TMEM217B: variants seen among roughly 807,000 people sequenced by gnomAD.
The protein encoded by TMEM217B is transmembrane protein 217B, also known as putative transmembrane protein 217B.
the TMEM217B span, among the ~76,000 whole-genome samples, chr6:37,231,202 G>A: frequency 9.5e-4 from 143 of 149,974 alleles, no homozygotes; most frequent in African/African-American, 2.8e-3. Flanking sequence ...TGGGATTACA[G>A]GTGCAAGCCA....
At chr6:37,219,454 C>T in the TMEM217B span, among the ~76,000 whole-genome samples, 3 of 152,094 alleles carry the variant, frequency 2.0e-5, no homozygotes, top group Admixed American at 6.6e-5. Context: ...TTAAATTATG[C>T]TCTTAGCTGG....
chr6:37,217,219 G>A, the TMEM217B span, among the ~76,000 whole-genome samples: 59 of 152,334 alleles, frequency 3.9e-4, 1 homozygote, highest in Non-Finnish European at 7.6e-4. Context: ...GCTTAAACCC[G>A]GGAGGCGGGG....
At chr6:37,229,035 A>T in the TMEM217B span, among the ~76,000 whole-genome samples, 5 of 152,002 alleles carry the variant, frequency 3.3e-5, no homozygotes, top group African/African-American at 1.2e-4. Context: ...TAATAATAAT[A>T]ATAACGAACA....
the TMEM217B span, among the ~76,000 whole-genome samples, chr6:37,254,002 G>T: frequency 6.6e-6 from 1 of 152,126 alleles, no homozygotes; most frequent in Non-Finnish European, 1.5e-5. Flanking sequence ...AGTTGAGGGG[G>T]GGAAAGTAAA....
the TMEM217B span, among the ~76,000 whole-genome samples, chr6:37,246,487 T>A: frequency 6.6e-6 from 1 of 152,182 alleles, no homozygotes; most frequent in Non-Finnish European, 1.5e-5. Context: ...ATATACTCCA[T>A]CTACTCTCAT....
chr6:37,232,394 T>TG, the TMEM217B span, among the ~76,000 whole-genome samples: 413 of 152,126 alleles, frequency 2.7e-3, 2 homozygotes, highest in African/African-American at 9.2e-3. Flanking sequence ...TGTTTTGTTT[T>TG]CTTTTTTTTG....
chr6:37,245,057 C>T, the TMEM217B span, among the ~76,000 whole-genome samples: 1 of 152,150 alleles, frequency 6.6e-6, no homozygotes, highest in Non-Finnish European at 1.5e-5. Flanking sequence ...CTTTGCAAGC[C>T]ATGGCTTGGG....
At chr6:37,228,885 T>G in the TMEM217B span, among the ~76,000 whole-genome samples, 1 of 150,768 alleles carries the variant, frequency 6.6e-6, no homozygotes, top group Middle Eastern at 3.5e-3. Context: ...TAGTCCCAGC[T>G]ACTCAGGAGG....
At chr6:37,229,664 A>G in the TMEM217B span, among the ~76,000 whole-genome samples, 1 of 152,172 alleles carries the variant, frequency 6.6e-6, no homozygotes, top group African/African-American at 2.4e-5. Context: ...CAGTTTTACT[A>G]GTAACTTCGT....
At chr6:37,226,543 C>T in the TMEM217B span, among the ~76,000 whole-genome samples, 15 of 151,174 alleles carry the variant, frequency 9.9e-5, no homozygotes, top group East Asian at 1.4e-3. Context: ...GTGATCCGCC[C>T]GCCTCGGCCA....
the TMEM217B span, among the ~76,000 whole-genome samples, chr6:37,252,860 G>A: frequency 2.0e-5 from 3 of 151,442 alleles, no homozygotes; most frequent in African/African-American, 4.9e-5. Flanking sequence ...GGCTGGTCTC[G>A]AACTCCTGAG....
the TMEM217B span, among the ~76,000 whole-genome samples, chr6:37,252,259 A>AC: frequency 2.6e-5 from 4 of 152,200 alleles, no homozygotes; most frequent in Non-Finnish European, 5.9e-5. Context: ...CATGTAACAT[A>AC]AAGTTCAAAT....
the TMEM217B span, among the ~76,000 whole-genome samples, chr6:37,217,024 T>C: frequency 2.0e-5 from 3 of 152,134 alleles, no homozygotes; most frequent in Non-Finnish European, 4.4e-5. Context: ...CAGCAGTGGG[T>C]GACTCACACC....
the TMEM217B span, among the ~76,000 whole-genome samples, chr6:37,223,409 T>C: frequency 0.88 from 134,080 of 152,298 alleles, 59,261 homozygotes; most frequent in African/African-American, 0.96. Flanking sequence ...TAGACTTCTA[T>C]AGGAAACAAA....
chr6:37,231,131 C>T, the TMEM217B span, among the ~76,000 whole-genome samples: 9 of 151,806 alleles, frequency 5.9e-5, no homozygotes, highest in Admixed American at 3.3e-4. Flanking sequence ...ATGATCTCTG[C>T]TCACTGCAAC....
At chr6:37,212,994 C>T in the TMEM217B span, 1 of 1,534,534 alleles carries the variant, frequency 6.5e-7, no homozygotes, top group South Asian at 1.2e-5. Flanking sequence ...ACCAGAGCAC[C>T]TCCTGCAGGA....
chr6:37,213,028 A>G, the TMEM217B span: 14 of 1,431,694 alleles, frequency 9.8e-6, no homozygotes, highest in Non-Finnish European at 1.1e-5. Context: ...GACACGTGAC[A>G]AGATGGCAGA....
the TMEM217B span, among the ~76,000 whole-genome samples, chr6:37,225,791 G>T: frequency 6.6e-6 from 1 of 152,174 alleles, no homozygotes; most frequent in Non-Finnish European, 1.5e-5. Flanking sequence ...GATTTGTGTG[G>T]CCCCATGACC....
the TMEM217B span, among the ~76,000 whole-genome samples, chr6:37,225,464 C>G: frequency 6.6e-6 from 1 of 151,988 alleles, no homozygotes. Context: ...TATGAATAAT[C>G]CAATTCTGTA....
Sources: gnomAD v4.1 joint callset for allele counts (sites outside exome capture counted in the v4.1 genomes callset) on GRCh38, gnomAD v4.1.1 for gene constraint, MANE v1.5 for transcripts, NCBI Gene and HGNC (gene_info 2026-07-23, HGNC 2026-07-21) for gene names.